Variants in GPT2 observed in about 807,000 individuals in gnomAD.
GPT2 encodes the protein glutamic--pyruvic transaminase 2.
In GPT2, 30 loss-of-function variants were observed where a neutral mutation model predicts 56.9. The ratio of observed to expected loss-of-function variants is 0.53; its 90% CI spans 0.39 to 0.72. GPT2 has a LOEUF of 0.72. Among genes scored for constraint, GPT2 ranks in the 30% least tolerant of loss-of-function variants. The probability of loss-of-function intolerance (pLI) is 0.00; values close to 1 mark genes in which losing one functional copy is unlikely to be tolerated. For synonymous variants in GPT2, 271 were observed against 283.1 expected, an observed-to-expected ratio of 0.96 and a Z score of 0.43; for missense variants, 542 against 703.4, an observed-to-expected ratio of 0.77 and a Z score of 2.60.
chr16:46,921,231 C>T (rs1487021726), intron 8 of GPT2, among the ~76,000 whole-genome samples: 1 of 152,132 alleles, frequency 6.6e-6, no homozygotes, highest in African/African-American at 2.4e-5. Context: ...TGCAGAGGCG[C>T]GATCTTAGTT....
At chr16:46,901,542 G>C (rs1033407634) in intron 4 of GPT2, among the ~76,000 whole-genome samples, 1 of 152,204 alleles carries the variant, frequency 6.6e-6, no homozygotes, top group African/African-American at 2.4e-5. Flanking sequence ...CAGCACCCAC[G>C]CTGGGAATCC....
At chr16:46,907,053 G>A in intron 5 of GPT2, 78 bp downstream of exon 5, 1 of 1,592,758 alleles carries the variant, frequency 6.3e-7, no homozygotes, top group East Asian at 2.2e-5. Context: ...GCCCAGCATT[G>A]GAATTGGCTA....
intron 8 of GPT2, among the ~76,000 whole-genome samples, chr16:46,920,581 G>A (rs529936422): frequency 6.6e-6 from 1 of 152,336 alleles, no homozygotes; most frequent in African/African-American, 2.4e-5. Flanking sequence ...TCTGTGCCAG[G>A]TGTCGGCATG....
intron 9 of GPT2, among the ~76,000 whole-genome samples, chr16:46,923,170 G>T (rs1961329802): frequency 6.6e-6 from 1 of 152,068 alleles, no homozygotes; most frequent in African/African-American, 2.4e-5. Flanking sequence ...CATATAAATG[G>T]AGTCATGTTG....
At chr16:46,901,625 A>G (rs1027540239) in intron 4 of GPT2, among the ~76,000 whole-genome samples, 2 of 152,206 alleles carry the variant, frequency 1.3e-5, no homozygotes, top group African/African-American at 4.8e-5. Context: ...GATGTTCCCG[A>G]AAGTGGAGCT....
intron 1 of GPT2, 46 bp from the exon 2 acceptor site, chr16:46,884,648 C>G: frequency 1.5e-6 from 2 of 1,349,944 alleles, no homozygotes; most frequent in African/African-American, 1.5e-5. Context: ...TGCTGCACGC[C>G]TGGGCAGTGC....
chr16:46,884,705 G>A lies in GPT2; in HGVS notation c.-11G>A, dbSNP rs756390801. On this transcript the variant is annotated 5_prime_UTR_variant, in exon 2 of 12. Transcript: ENST00000340124. Reference sequence around the variant, plus strand: ...TCTTTTTGTGCCAGGGTTTCTCTCCGCAAGCGCGCGATGCAGCGGGCGGCG... The same window carrying A: ...TCTTTTTGTGCCAGGGTTTCTCTCCACAAGCGCGCGATGCAGCGGGCGGCG... 6 of 1,374,800 alleles carry A rather than the reference G, an allele frequency of 4.4e-6. No individual in the cohort carries two copies. The highest frequency in any genetic ancestry group is 5.6e-6 in the Non-Finnish European group (6 of 1,062,384). 85.2% of individuals were successfully genotyped at this position (1,374,800 alleles called of 1,614,324 possible).
chr16:46,884,957 G>A lies in GPT2; in HGVS notation c.242G>A (p.Arg81Gln). Residue 81 changes from arginine to glutamine, a missense_variant and splice_region_variant, in exon 2 of 12, where the codon CGG becomes CAG. Arg to Gln is a conservative substitution (Grantham distance 43). Coordinates refer to ENST00000340124, the MANE Select transcript of GPT2 (RefSeq NM_133443.4). The stretch of plus-strand genomic sequence containing the variant: ...GGCGAGATCGAGCTCGAGCTGCAGC[G>A]GGTGAGCGCGCGCTGGGCCCCGGGG... ...KAGEIELELQ[R>Q]GIKKPFTEVI... 4 of 1,498,890 alleles carry A rather than the reference G, an allele frequency of 2.7e-6. No homozygotes were observed. Among genetic ancestry groups the A allele is most frequent in the Non-Finnish European group, 3.6e-6 (4 of 1,118,854 alleles). The allele number at this position is 1,498,890 out of a possible 1,614,324, so 92.8% of individuals were successfully genotyped here.
chr16:46,927,010 G>A lies in GPT2; in HGVS notation c.1454G>A (p.Gly485Glu). ...TGTGTCGTGCCCGGCAGTGGCTTTG[G>A]GCAGAGGGAAGGCACTTACCACTTC... ...GICVVPGSGF[G>E]QREGTYHFRM... Residue 485 changes from glycine (G) to glutamate (E), a missense_variant, in exon 11 of 12, where the codon GGG becomes GAG. Physicochemically the swap from Gly to Glu is moderately conservative, Grantham distance 98. Coordinates refer to ENST00000340124, the MANE Select transcript of GPT2 (RefSeq NM_133443.4). 6.2e-7 allele frequency: 1 copy of A among 1,607,446 alleles called. No individual in the cohort carries two copies. Among genetic ancestry groups the A allele is most frequent in the Non-Finnish European group, 8.5e-7 (1 of 1,177,280 alleles).
At chr16:46,913,341 A>G (rs922129550) in intron 6 of GPT2, among the ~76,000 whole-genome samples, 1 of 152,212 alleles carries the variant, frequency 6.6e-6, no homozygotes, top group Non-Finnish European at 1.5e-5. Flanking sequence ...TTGCATTCCA[A>G]CAGGATAAAG....
intron 10 of GPT2, among the ~76,000 whole-genome samples, chr16:46,926,107 G>A (rs1379099972): frequency 6.8e-6 from 1 of 147,740 alleles, no homozygotes; most frequent in Non-Finnish European, 1.5e-5. Flanking sequence ...CTCCATCCTG[G>A]GCGACAGAGT....
intron 2 of GPT2, among the ~76,000 whole-genome samples, chr16:46,897,234 G>C (rs1596864145): frequency 6.6e-6 from 1 of 152,164 alleles, no homozygotes; most frequent in Non-Finnish European, 1.5e-5. Context: ...TTAGCCGGGT[G>C]TGGTGGTGCA....
At chr16:46,919,469 G>T (rs1343131816) in intron 8 of GPT2, among the ~76,000 whole-genome samples, 1 of 152,206 alleles carries the variant, frequency 6.6e-6, no homozygotes, top group Non-Finnish European at 1.5e-5. Flanking sequence ...CAGATATCTG[G>T]GGGAAGAGCA....
intron 6 of GPT2, among the ~76,000 whole-genome samples, chr16:46,911,973 G>T (rs1567339727): frequency 6.6e-6 from 1 of 152,186 alleles, no homozygotes; most frequent in Non-Finnish European, 1.5e-5. Context: ...ATTGACATAA[G>T]TAATTTTTAT....
chr16:46,922,298 G>A lies in GPT2; in HGVS notation c.1094G>A (p.Gly365Asp). 1.2e-6 allele frequency: 2 copies of A among 1,614,170 alleles called. 1 individual carries two copies. The highest frequency in any genetic ancestry group is 2.2e-5 in the South Asian group (2 of 91,080). The change falls in exon 9 of 12, where the codon GGC (glycine) becomes GAC (aspartate). Residue 365 changes from glycine to aspartate, a missense_variant. By Grantham distance (94) the Gly-to-Asp change is moderately conservative (BLOSUM62 -1). Coordinates refer to ENST00000340124, the MANE Select transcript of GPT2 (RefSeq NM_133443.4). ...EVINLHPEIK[G>D]QLVKLLSVRL... The stretch of plus-strand genomic sequence containing the variant: ...ATCAACCTGCACCCTGAGATCAAGG[G>A]CCAGCTGGTGAAGCTGCTGTCGGTG...
chr16:46,891,910 C>A (rs1444036601), intron 2 of GPT2, among the ~76,000 whole-genome samples: 1 of 151,646 alleles, frequency 6.6e-6, no homozygotes, highest in Non-Finnish European at 1.5e-5. Context: ...TTCTCCCCAC[C>A]CACCCCTACT....
chr16:46,916,722 A>T lies in GPT2; in HGVS notation c.900+15A>T. ...TGGCTGATGAGGTAAGAATGTCCCC[A>T]CTCAGAGGGAGTGGGCACTAGCTTT... is the stretch of plus-strand genomic sequence containing the variant. On this transcript the variant is annotated intron_variant, in intron 7 of 11. Coordinates refer to ENST00000340124, the MANE Select transcript of GPT2 (RefSeq NM_133443.4). 1 of 1,581,748 alleles carries T rather than the reference A, an allele frequency of 6.3e-7. No individual in the cohort carries two copies. The highest frequency in any genetic ancestry group is 8.7e-7 in the Non-Finnish European group (1 of 1,150,744).
intron 2 of GPT2, among the ~76,000 whole-genome samples, chr16:46,895,896 T>G (rs915329179): frequency 1.3e-5 from 2 of 152,234 alleles, no homozygotes; most frequent in African/African-American, 4.8e-5. Context: ...AAAGTTGCTT[T>G]TATTCACACA....
Position 46,926,468 on chromosome 16 carries a change from C to T in GPT2, c.1369-457C>T, listed in dbSNP as rs141528761. Among the ~76,000 whole-genome samples, 530 of 152,158 alleles carry T rather than the reference C, an allele frequency of 3.5e-3. 2 individuals carry two copies. The highest frequency in any genetic ancestry group is 0.012 in the African/African-American group (505 of 41,518). On this transcript the variant is annotated intron_variant, in intron 10 of 11. Transcript: ENST00000340124. ...TGTTGCAAAAAAAAAAAAAGAATCC[C>T]TGATGATAGAACCTGAGAATCTGTA...
Sources: gnomAD v4.1 joint callset for allele counts (sites outside exome capture counted in the v4.1 genomes callset) on GRCh38, gnomAD v4.1.1 for gene constraint, MANE v1.5 for transcripts, NCBI Gene and HGNC (gene_info 2026-07-23, HGNC 2026-07-21) for gene names.